Variants in PLEKHB1 observed in about 807,000 individuals in gnomAD.
PLEKHB1 encodes the protein pleckstrin homology domain containing B1.
PLEKHB1 carries 29 observed loss-of-function variants against 36.2 expected under a neutral mutation model. The ratio of observed to expected loss-of-function variants is 0.80; its 90% CI spans 0.60 to 1.09. PLEKHB1 has a LOEUF of 1.09. Among genes scored for constraint, PLEKHB1 ranks in the 50% least tolerant of loss-of-function variants. The pLI, the probability that PLEKHB1 is intolerant of heterozygous loss-of-function variation, is 0.00. For synonymous variants in PLEKHB1, 138 were observed against 140.0 expected, an observed-to-expected ratio of 0.99 and a Z score of 0.10; for missense variants, 330 against 348.2, an observed-to-expected ratio of 0.95 and a Z score of 0.42.
chr11:73,648,533 A>T (rs1565327092), intron 1 of PLEKHB1, among the ~76,000 whole-genome samples: 1 of 152,214 alleles, frequency 6.6e-6, no homozygotes, highest in Non-Finnish European at 1.5e-5. Context: ...CTTTTCCCTC[A>T]TCCATTGCCG....
intron 4 of PLEKHB1, chr11:73,652,571 G>C (rs1030764876): frequency 5.8e-6 from 1 of 171,194 alleles, no homozygotes. Context: ...CCATTGTCCC[G>C]TGTCTGCTGG....
intron 6 of PLEKHB1, among the ~76,000 whole-genome samples, chr11:73,657,045 C>G (rs1404517443): frequency 6.6e-6 from 1 of 152,104 alleles, no homozygotes; most frequent in Non-Finnish European, 1.5e-5. Flanking sequence ...GAGGCTGAGG[C>G]AGGAGAATGG....
At chr11:73,656,704 TAGTCAACTCTG>T (rs1163105381) in intron 6 of PLEKHB1, among the ~76,000 whole-genome samples, 1 of 152,164 alleles carries the variant, frequency 6.6e-6, no homozygotes. Flanking sequence ...TGTGATCTTA[TAGTCAACTCTG>T]AGCTCATCTT....
intron 5 of PLEKHB1, chr11:73,653,432 A>T (rs904837361): frequency 4.3e-6 from 2 of 468,810 alleles, no homozygotes; most frequent in Non-Finnish European, 8.5e-6. Flanking sequence ...ACTATGGGCC[A>T]GGTGGTGTGC....
At chr11:73,648,872 G>GGAGGCC in intron 1 of PLEKHB1, 140 bp from the exon 2 acceptor site, 1 of 1,418,294 alleles carries the variant, frequency 7.1e-7, no homozygotes, top group Non-Finnish European at 9.2e-7. Flanking sequence ...AGAATGGGGA[G>GGAGGCC]GAGGCCGAGG....
chr11:73,651,808 C>T lies in PLEKHB1; in HGVS notation c.268C>T (p.Arg90Trp), dbSNP rs11538625. ...ECHDVQPPEG[R>W]SRDGLLTVNL... ...TCCAGATGTGCAGCCCCCAGAGGGC[C>T]GGAGCCGAGATGGCCTGCTGACTGT... is the stretch of plus-strand genomic sequence containing the variant. Residue 90 changes from arginine to tryptophan, a missense_variant, in exon 4 of 8, where the codon CGG becomes TGG. Arg to Trp is a moderately radical substitution (Grantham distance 101). Coordinates refer to ENST00000354190, the MANE Select transcript of PLEKHB1 (RefSeq NM_021200.3). The T allele has an allele frequency of 5.4e-5, 87 of 1,613,414 alleles. No individual in the cohort carries two copies. The highest frequency in any genetic ancestry group is 5.2e-5 in the Non-Finnish European group (61 of 1,179,842).
chr11:73,657,786 G>A (rs1255779827), intron 6 of PLEKHB1, among the ~76,000 whole-genome samples: 2 of 152,166 alleles, frequency 1.3e-5, no homozygotes, highest in Admixed American at 6.5e-5. Flanking sequence ...TTTTGGGCCT[G>A]GAGCCTGGAT....
rs759533621 is a variant in PLEKHB1, at chr11:73,649,113, TG to T, written c.94+30del. The T allele has an allele frequency of 1.0e-5, 16 of 1,573,868 alleles. No individual in the cohort carries two copies. In the East Asian group the frequency reaches 3.7e-4, roughly 37 times the overall value. ...GTGAGTGATCCTGGGCCCCTGGTCC[TG>T]GGGCAGGGTGAAGGAAGTGGCTTAC... On this transcript the variant is annotated intron_variant, in intron 2 of 7. Transcript: ENST00000354190.
chr11:73,648,115 C>T, intron 1 of PLEKHB1: 1 of 325,228 alleles, frequency 3.1e-6, no homozygotes, highest in Non-Finnish European at 4.4e-6. Context: ...GCGGTGACGT[C>T]CAAACTTAGC....
In PLEKHB1 at chr11:73,661,018, C is replaced by G; in HGVS notation, c.595+166C>G. Reference sequence around the variant, plus strand: ...CCTCTCCATCCTGAGACTGGGAGAGCTCTGGAACCAGCGTTCGTCTCGAGC... The same window carrying G: ...CCTCTCCATCCTGAGACTGGGAGAGGTCTGGAACCAGCGTTCGTCTCGAGC... On this transcript the variant is annotated intron_variant, in intron 7 of 7. Transcript: ENST00000354190. This position sits in a 1 kb window ranked among gnomAD's most constrained non-coding sequence, Gnocchi z 4.6. 1.5e-6 allele frequency: 1 copy of G among 679,572 alleles called. No homozygotes were observed. Among genetic ancestry groups the G allele is most frequent in the Non-Finnish European group, 2.5e-6 (1 of 398,702 alleles). 42.1% of individuals were successfully genotyped at this position (679,572 alleles called of 1,614,324 possible). A position where few individuals can be genotyped will look rare whatever the true frequency, so the allele number is the denominator to read the frequency against.
intron 6 of PLEKHB1, 66 bp downstream of exon 6, chr11:73,655,973 C>T: frequency 7.7e-7 from 1 of 1,304,716 alleles, no homozygotes. Flanking sequence ...AAAACCAGGC[C>T]CAGTCCATCC....
intron 1 of PLEKHB1, chr11:73,647,556 C>G (rs905403263): frequency 4.3e-5 from 42 of 985,414 alleles, no homozygotes; most frequent in Admixed American, 6.1e-5. Flanking sequence ...GTCACTCCCC[C>G]TCCCTGGGGT....
intron 1 of PLEKHB1, chr11:73,647,622 GGA>G: frequency 1.0e-6 from 1 of 985,388 alleles, no homozygotes; most frequent in Non-Finnish European, 1.2e-6. Flanking sequence ...CGCTGCGGGA[GGA>G]GAGAAATGCC....
At chr11:73,654,887 A>G (rs1036797451) in intron 5 of PLEKHB1, among the ~76,000 whole-genome samples, 2 of 152,184 alleles carry the variant, frequency 1.3e-5, no homozygotes, top group Non-Finnish European at 2.9e-5. Flanking sequence ...GGAGCAATAA[A>G]GGGCATTCAG....
chr11:73,647,834 G>A (rs1944797874), intron 1 of PLEKHB1: 1 of 977,584 alleles, frequency 1.0e-6, no homozygotes, highest in Admixed American at 6.1e-5. Flanking sequence ...GGAGCGGCAA[G>A]AGGAACAGAC....
intron 1 of PLEKHB1, chr11:73,647,620 G>A (rs962899388): frequency 1.0e-6 from 1 of 985,288 alleles, no homozygotes; most frequent in African/African-American, 1.7e-5. Flanking sequence ...GGCGCTGCGG[G>A]AGGAGAGAAA....
chr11:73,647,790 T>G (rs1372869068), intron 1 of PLEKHB1: 2 of 982,568 alleles, frequency 2.0e-6, no homozygotes, highest in African/African-American at 3.5e-5. Flanking sequence ...CTGACCCTCT[T>G]GTCTGATCTG....
chr11:73,655,978 C>A (rs1252519485), intron 6 of PLEKHB1, 71 bp downstream of exon 6: 6 of 1,269,002 alleles, frequency 4.7e-6, no homozygotes, highest in Non-Finnish European at 6.9e-6. Flanking sequence ...CAGGCCCAGT[C>A]CATCCCTTCC....
Position 73,656,076 on chromosome 11 carries a change from C to A in PLEKHB1, c.495+169C>A, listed in dbSNP as rs1944988560. ...CCCTCTGTCCCCAGCCACACCAGAC[C>A]TTTTCCCTCTGCCAGCCTTCGCACA... On this transcript the variant is annotated intron_variant, in intron 6 of 7. Transcript: ENST00000354190. Among the ~76,000 whole-genome samples the A allele has an allele frequency of 3.9e-5, 6 of 152,202 alleles. 1 individual carries two copies. The South Asian group carries it at 1.2e-3, about 32-fold the overall frequency.
Sources: gnomAD v4.1 joint callset for allele counts (sites outside exome capture counted in the v4.1 genomes callset) on GRCh38, gnomAD v4.1.1 for gene constraint, Gnocchi (gnomAD v3.1) non-coding constraint, MANE v1.5 for transcripts, NCBI Gene and HGNC (gene_info 2026-07-23, HGNC 2026-07-21) for gene names.